Variants in RSRC1 observed in about 807,000 individuals in gnomAD.
RSRC1 encodes the protein arginine and serine rich coiled-coil 1.
Under a neutral mutation model 49.1 loss-of-function variants are expected in RSRC1, and 39 were observed. The ratio of observed to expected loss-of-function variants is 0.79; its 90% CI spans 0.61 to 1.04. The LOEUF is 1.04. Among genes scored for constraint, RSRC1 ranks in the 50% least tolerant of loss-of-function variants. RSRC1 has a pLI of 0.00. For missense variants in RSRC1, 388 were observed against 402.4 expected, an observed-to-expected ratio of 0.96 and a Z score of 0.31; for synonymous variants, 143 against 130.8, an observed-to-expected ratio of 1.09 and a Z score of -0.63.
chr3:158,328,428 G>T (rs993622373), intron 5 of RSRC1, among the ~76,000 whole-genome samples: 5 of 135,740 alleles, frequency 3.7e-5, no homozygotes, highest in African/African-American at 1.3e-4. Flanking sequence ...GGCAGGCCTG[G>T]TGGTGACAAA....
intron 3 of RSRC1, among the ~76,000 whole-genome samples, chr3:158,167,949 G>A (rs573422644): frequency 6.6e-6 from 1 of 152,266 alleles, no homozygotes; most frequent in East Asian, 1.9e-4. Context: ...GAGCAAAGGC[G>A]AGACATTCTA....
At chr3:158,250,476 T>A (rs1010520508) in intron 4 of RSRC1, among the ~76,000 whole-genome samples, 6 of 152,212 alleles carry the variant, frequency 3.9e-5, no homozygotes, top group Admixed American at 3.9e-4. Context: ...CACCAGCATT[T>A]GTTATTGTCT....
chr3:158,357,883 G>A (rs1354226058), intron 6 of RSRC1, among the ~76,000 whole-genome samples: 1 of 152,142 alleles, frequency 6.6e-6, no homozygotes, highest in Non-Finnish European at 1.5e-5. Flanking sequence ...AGCCTTACAA[G>A]CAGCATAACT....
chr3:158,223,040 G>A (rs749248907), intron 4 of RSRC1, among the ~76,000 whole-genome samples: 7 of 151,540 alleles, frequency 4.6e-5, no homozygotes, highest in Non-Finnish European at 7.4e-5. Flanking sequence ...TTACCACTCC[G>A]CTGAAACCTC....
chr3:158,151,804 G>A (rs1309042363), intron 3 of RSRC1, among the ~76,000 whole-genome samples: 2 of 152,096 alleles, frequency 1.3e-5, no homozygotes, highest in Non-Finnish European at 2.9e-5. Context: ...ATACTGTACA[G>A]TAAATACTGT....
intron 6 of RSRC1, among the ~76,000 whole-genome samples, chr3:158,368,971 A>C (rs1352960814): frequency 1.3e-5 from 2 of 152,094 alleles, no homozygotes; most frequent in African/African-American, 4.8e-5. Flanking sequence ...GAAATGAAAA[A>C]TATAGCCTTT....
At chr3:158,525,839 C>A (rs1711987986) in intron 7 of RSRC1, among the ~76,000 whole-genome samples, 1 of 151,818 alleles carries the variant, frequency 6.6e-6, no homozygotes, top group South Asian at 2.1e-4. Flanking sequence ...GCAGACTAAT[C>A]TAAAGTGGCA....
rs77866476 is a variant in RSRC1, at chr3:158,540,456, G to C, written c.760-2879G>C. Among the ~76,000 whole-genome samples, 791 of 152,080 alleles carry C rather than the reference G, an allele frequency of 5.2e-3. 2 individuals carry two copies. Among genetic ancestry groups the C allele is most frequent in the African/African-American group, 0.018 (741 of 41,462 alleles). On this transcript the variant is annotated intron_variant, in intron 8 of 9. Transcript: ENST00000611884. ...ATTCCTAAACATACATGACTGCCCA[G>C]ATATCTATCCCTCAGATATCTACCC...
intron 5 of RSRC1, among the ~76,000 whole-genome samples, chr3:158,315,141 G>A (rs1319060538): frequency 1.3e-5 from 2 of 151,748 alleles, no homozygotes; most frequent in Non-Finnish European, 2.9e-5. Flanking sequence ...CTTTACTGTT[G>A]TGCTTACAAC....
chr3:158,520,441 C>T (rs1290077712), intron 7 of RSRC1, among the ~76,000 whole-genome samples: 2 of 152,098 alleles, frequency 1.3e-5, no homozygotes, highest in Non-Finnish European at 2.9e-5. Context: ...TAGTACTTGG[C>T]TTTTTGAATG....
intron 4 of RSRC1, among the ~76,000 whole-genome samples, chr3:158,262,267 T>C (rs1724945952): frequency 6.6e-6 from 1 of 152,240 alleles, no homozygotes. Context: ...AAGTTTGACA[T>C]TTAGGTCTAT....
chr3:158,352,004 T>C (rs1730906968), intron 5 of RSRC1, among the ~76,000 whole-genome samples: 1 of 151,026 alleles, frequency 6.6e-6, no homozygotes, highest in African/African-American at 2.4e-5. Flanking sequence ...GCATAGTGGC[T>C]CACATCTGTA....
chr3:158,349,011 T>C (rs192400272), intron 5 of RSRC1, among the ~76,000 whole-genome samples: 2 of 152,306 alleles, frequency 1.3e-5, no homozygotes, highest in East Asian at 3.9e-4. Flanking sequence ...ACACTTAGGT[T>C]TGTTTCATGA....
chr3:158,173,139 A>G (rs376540286), intron 3 of RSRC1, among the ~76,000 whole-genome samples: 1 of 152,048 alleles, frequency 6.6e-6, no homozygotes, highest in South Asian at 2.1e-4. Flanking sequence ...TAGGCTTTAT[A>G]GAGAATATAA....
chr3:158,152,320 T>G (rs1366603150), intron 3 of RSRC1, among the ~76,000 whole-genome samples: 1 of 152,124 alleles, frequency 6.6e-6, no homozygotes, highest in African/African-American at 2.4e-5. Flanking sequence ...GCCGGGGACT[T>G]TGTTTTAGCA....
chr3:158,299,076 T>C (rs1306923693), intron 5 of RSRC1, among the ~76,000 whole-genome samples: 1 of 152,138 alleles, frequency 6.6e-6, no homozygotes. Flanking sequence ...AAGGAGGATA[T>C]AATAGAAAAT....
chr3:158,448,381 A>G (rs903339344), intron 6 of RSRC1, among the ~76,000 whole-genome samples: 20 of 151,874 alleles, frequency 1.3e-4, no homozygotes, highest in African/African-American at 4.3e-4. Context: ...TATTCAGGTT[A>G]TAAAAAAATG....
intron 3 of RSRC1, among the ~76,000 whole-genome samples, chr3:158,183,556 C>T (rs1719752710): frequency 6.6e-6 from 1 of 151,696 alleles, no homozygotes; most frequent in Admixed American, 6.6e-5. Context: ...TAGAAAGGAC[C>T]ACTAAAAAAA....
chr3:158,316,404 T>C (rs909276012), intron 5 of RSRC1, among the ~76,000 whole-genome samples: 1 of 150,498 alleles, frequency 6.6e-6, no homozygotes, highest in Non-Finnish European at 1.5e-5. Flanking sequence ...TTTTTCCACC[T>C]GCTTTTTCTA....
Sources: allele counts gnomAD v4.1 joint callset (sites outside exome capture counted in the v4.1 genomes callset), GRCh38; gene constraint gnomAD v4.1.1; transcripts MANE v1.5; gene names NCBI Gene and HGNC (gene_info 2026-07-23, HGNC 2026-07-21).